KIF15: variants seen among roughly 807,000 people sequenced by gnomAD.
The protein encoded by KIF15 is kinesin family member 15.
In KIF15, 140 loss-of-function variants were observed where a neutral mutation model predicts 190.6. The observed-to-expected ratio is 0.73, with a 90% CI of 0.64 to 0.84. KIF15 has a LOEUF of 0.84. KIF15 is among the 40% of genes least tolerant of loss of function. The pLI is 0.00. For missense variants in KIF15, 1,372 were observed against 1,584.4 expected, an observed-to-expected ratio of 0.87 and a Z score of 2.28; for synonymous variants, 528 against 551.3, an observed-to-expected ratio of 0.96 and a Z score of 0.59.
At chr3:44,782,083 C>G (rs768194730) in intron 5 of KIF15, among the ~76,000 whole-genome samples, 2 of 151,750 alleles carry the variant, frequency 1.3e-5, no homozygotes, top group Non-Finnish European at 2.9e-5. Context: ...GGAGCCTGCC[C>G]CTGTCGCCTA....
chr3:44,850,781 T>A (rs17076983), intron 32 of KIF15, among the ~76,000 whole-genome samples: 2,834 of 152,200 alleles, frequency 0.019, 75 homozygotes, highest in African/African-American at 0.063. Flanking sequence ...GCTGGCCCTT[T>A]GTGTATTAAA....
chr3:44,830,070 A>T lies in KIF15; in HGVS notation c.3043A>T (p.Ile1015Leu). Residue 1015 changes from isoleucine to leucine, a missense_variant, in exon 25 of 35, where the codon ATA (isoleucine) becomes TTA (leucine). Physicochemically the swap from Ile to Leu is conservative, Grantham distance 5. Coordinates refer to ENST00000326047, the MANE Select transcript of KIF15 (RefSeq NM_020242.3). ...CACCCTGAAACAAGAACTGAAGGAC[A>T]TAAATGTAAGTTCGGTCACCAACAA... ...IDTLKQELKDINCKYNSALVD... is the reference protein window; with the variant it reads ...IDTLKQELKDLNCKYNSALVD... 2 of 1,568,538 alleles carry T rather than the reference A, an allele frequency of 1.3e-6. No individual in the cohort carries two copies. Among genetic ancestry groups the T allele is most frequent in the Non-Finnish European group, 1.7e-6 (2 of 1,156,264 alleles).
rs747643201 is a variant in KIF15 at position 44,851,795 on chromosome 3, A to T, written c.3815A>T (p.Glu1272Val). The T allele has an allele frequency of 4.3e-6, 7 of 1,612,034 alleles. No homozygotes were observed. Among genetic ancestry groups the T allele is most frequent in the Non-Finnish European group, 5.9e-6 (7 of 1,179,026 alleles). Residue 1272 changes from glutamate to valine, a missense_variant, in exon 33 of 35, where the codon GAA (glutamate) becomes GTA (valine). Coordinates refer to ENST00000326047, the MANE Select transcript of KIF15 (RefSeq NM_020242.3). ...EMLKMKADLE[E>V]VQSALYNKEM... ...ATAACCTATTCCTACAGCCTAGAAG[A>T]AGTCCAAAGTGCCCTTTACAACAAA...
rs1432257324 is a variant in KIF15 at position 44,810,885 on chromosome 3, C to T, written c.2011C>T (p.Arg671Ter). ...TPTKAYQLHS[R>*]PVPKLSPEMG... ...AACCAAGGCCTACCAACTTCATTCCCGACCAGTACCAAAATTAAGCCCTGA... is the reference window on the plus strand; with the variant it reads ...AACCAAGGCCTACCAACTTCATTCCTGACCAGTACCAAAATTAAGCCCTGA... The change falls in exon 17 of 35, where the codon CGA (arginine) becomes TGA (stop). Residue 671 changes from arginine to a stop codon, truncating the protein, a stop_gained. Coordinates refer to ENST00000326047, the MANE Select transcript of KIF15 (RefSeq NM_020242.3). LOFTEE classifies it high-confidence loss of function. The T allele has an allele frequency of 3.7e-6, 6 of 1,613,794 alleles. No homozygotes were observed. Among genetic ancestry groups the T allele is most frequent in the East Asian group, 4.5e-5 (2 of 44,872 alleles).
chr3:44,821,969 C>G (rs958413047), intron 20 of KIF15, among the ~76,000 whole-genome samples: 1 of 152,214 alleles, frequency 6.6e-6, no homozygotes, highest in Admixed American at 6.5e-5. Context: ...CAAAAAAATA[C>G]GAAAACCAGT....
chr3:44,825,917 A>C, intron 20 of KIF15, 122 bp from the exon 21 acceptor site: 1 of 797,636 alleles, frequency 1.3e-6, no homozygotes, highest in Non-Finnish European at 2.0e-6. Context: ...GCCTTATATC[A>C]CTCGAGGCTT....
intron 10 of KIF15, among the ~76,000 whole-genome samples, 162 bp from the exon 11 acceptor site, chr3:44,800,152 C>G (rs1332644605): frequency 6.6e-6 from 1 of 152,150 alleles, no homozygotes; most frequent in Non-Finnish European, 1.5e-5. Context: ...AAGCTTCCTC[C>G]CCACTTGAGC....
chr3:44,805,004 T>G, intron 14 of KIF15, 23 bp from the exon 15 acceptor site: 1 of 1,572,098 alleles, frequency 6.4e-7, no homozygotes. Context: ...AAAAAAAGAC[T>G]GAGATTGTTT....
At chr3:44,820,900 G>T (rs1457698393) in intron 20 of KIF15, among the ~76,000 whole-genome samples, 1 of 152,180 alleles carries the variant, frequency 6.6e-6, no homozygotes, top group East Asian at 1.9e-4. Flanking sequence ...CCGGGCAGAG[G>T]GGCTCCTCAC....
At chr3:44,797,078 A>G (rs140795569) in intron 8 of KIF15, among the ~76,000 whole-genome samples, 60 of 152,224 alleles carry the variant, frequency 3.9e-4, no homozygotes, top group African/African-American at 1.4e-3. Context: ...CCCAGGTTGT[A>G]GTGCAATGGC....
At chr3:44,858,028 T>C (rs1359353505), downstream of KIF15, among the ~76,000 whole-genome samples, 1 of 152,182 alleles carries the variant, frequency 6.6e-6, no homozygotes, top group East Asian at 1.9e-4. Context: ...GCTGAAGTAA[T>C]GAGTGCTGTC....
chr3:44,840,926 G>A lies in KIF15; in HGVS notation c.3421-148G>A, dbSNP rs139743921. On this transcript the variant is annotated intron_variant, in intron 28 of 34. Coordinates refer to ENST00000326047, the MANE Select transcript of KIF15 (RefSeq NM_020242.3). ...TGAGCTTAGGCAGTCCGCCCACCTCGGCCTCCCAAAGTGCTAGGATTACAG... is the reference window on the plus strand; with the variant it reads ...TGAGCTTAGGCAGTCCGCCCACCTCAGCCTCCCAAAGTGCTAGGATTACAG... The A allele has an allele frequency of 1.6e-4, 113 of 713,362 alleles. No individual in the cohort carries two copies. The East Asian group carries it at 1.8e-3, about 11-fold the overall frequency. The allele number at this position is 713,362 out of a possible 1,614,324, so 44.2% of individuals were successfully genotyped here.
chr3:44,837,520 GT>G (rs1429543352), intron 26 of KIF15, among the ~76,000 whole-genome samples: 3 of 151,880 alleles, frequency 2.0e-5, no homozygotes, highest in Non-Finnish European at 4.4e-5. Flanking sequence ...GATGTGTCAA[GT>G]TTTTTTAAAA....
intron 11 of KIF15, 56 bp downstream of exon 11, chr3:44,800,493 A>G (rs1445436737): frequency 6.3e-7 from 1 of 1,577,284 alleles, no homozygotes; most frequent in Non-Finnish European, 8.6e-7. Flanking sequence ...TAATAGTTTA[A>G]GAGCCCTTGG....
At chr3:44,866,741 G>A (rs140855159) in intron 6 of KIF15, among the ~76,000 whole-genome samples, 1 of 152,148 alleles carries the variant, frequency 6.6e-6, no homozygotes, top group Non-Finnish European at 1.5e-5. Flanking sequence ...TGGGGATCTG[G>A]CCCTAGCCCA....
At chr3:44,817,543 ATGG>A (rs1490563794) in intron 20 of KIF15, among the ~76,000 whole-genome samples, 3 of 152,152 alleles carry the variant, frequency 2.0e-5, no homozygotes, top group African/African-American at 7.2e-5. Flanking sequence ...CAAAGATCAG[ATGG>A]TTGTAGATGT....
rs1699088836 is a variant in KIF15 at position 44,852,303 on chromosome 3, A to C, written c.4068A>C (p.Val1356=). The C allele has an allele frequency of 6.2e-7, 1 of 1,612,432 alleles. No individual in the cohort carries two copies. Among genetic ancestry groups the C allele is most frequent in the Admixed American group, 1.7e-5 (1 of 59,912 alleles). ...ATTTGCATCAGAAGATTCAGTACGT[A>C]GTGCGACTAAAGAAGGAAAATGTCA... ...HQNLHQKIQY[V]VRLKKENVRL... The change falls in exon 34 of 35, where the codon GTA becomes GTC. Residue 1356 remains valine, a synonymous_variant. Coordinates refer to ENST00000326047, the MANE Select transcript of KIF15 (RefSeq NM_020242.3).
Position 44,773,504 on chromosome 3 carries a change from TG to T in KIF15, c.20-888del, listed in dbSNP as rs1705733925. Among the ~76,000 whole-genome samples, 3 of 152,066 alleles carry T rather than the reference TG, an allele frequency of 2.0e-5. No individual in the cohort carries two copies. In the South Asian group the frequency reaches 6.2e-4, roughly 32 times the overall value. ...ATCCTACGCATGAGCCTGCAGCCAC[TG>T]GGTTGCGGGTAGAACACCCCCAACA... On this transcript the variant is annotated intron_variant, in intron 1 of 34. Coordinates refer to ENST00000326047, the MANE Select transcript of KIF15 (RefSeq NM_020242.3).
intron 17 of KIF15, among the ~76,000 whole-genome samples, chr3:44,811,938 C>T (rs1277511537): frequency 6.6e-6 from 1 of 152,054 alleles, no homozygotes; most frequent in African/African-American, 2.4e-5. Flanking sequence ...CACTTCTTTC[C>T]TTTGTATTTC....
Sources: gnomAD v4.1 joint callset for allele counts (sites outside exome capture counted in the v4.1 genomes callset) on GRCh38, gnomAD v4.1.1 for gene constraint, MANE v1.5 for transcripts, NCBI Gene and HGNC (gene_info 2026-07-23, HGNC 2026-07-21) for gene names.